The following SAMM50 variants were observed in gnomAD, a reference collection of about 807,000 sequenced individuals.
SAMM50 encodes the protein sorting and assembly machinery component 50 homolog.
Under a neutral mutation model 66.9 loss-of-function variants are expected in SAMM50, and 47 were observed. That is an observed-to-expected ratio of 0.70 (90% CI 0.56 to 0.90). The LOEUF is 0.90. Ranked by LOEUF, SAMM50 falls within the 40% of genes least tolerant of loss-of-function variation. The pLI, the probability that SAMM50 is intolerant of heterozygous loss-of-function variation, is 0.00. For missense variants in SAMM50, 535 were observed against 595.3 expected, an observed-to-expected ratio of 0.90 and a Z score of 1.05; for synonymous variants, 191 against 214.1, an observed-to-expected ratio of 0.89 and a Z score of 0.94.
chr22:43,989,346 T>A, intron 13 of SAMM50, 89 bp downstream of exon 13: 1 of 1,413,860 alleles, frequency 7.1e-7, no homozygotes. Context: ...TGTCTTTTTT[T>A]TTTTTTTTTG....
intron 8 of SAMM50, 88 bp from the exon 9 acceptor site, chr22:43,976,662 G>C: frequency 1.1e-6 from 1 of 894,748 alleles, no homozygotes; most frequent in East Asian, 2.5e-5. Flanking sequence ...TAGAGTGCTA[G>C]CGTGGTGTGG....
chr22:43,995,652 C>T (rs1310030151), intron 14 of SAMM50, among the ~76,000 whole-genome samples: 1 of 152,152 alleles, frequency 6.6e-6, no homozygotes, highest in Non-Finnish European at 1.5e-5. Context: ...CTGTGGGTGC[C>T]CCTGAGCCGG....
chr22:43,972,209 C>T, intron 4 of SAMM50, 27 bp from the exon 5 acceptor site: 1 of 1,419,184 alleles, frequency 7.0e-7, no homozygotes, highest in Non-Finnish European at 9.6e-7. Flanking sequence ...TCCTGGCTGT[C>T]TTATTGTTTA....
At chr22:43,977,789 A>G (rs905730067) in intron 9 of SAMM50, 83 bp from the exon 10 acceptor site, 25 of 948,032 alleles carry the variant, frequency 2.6e-5, no homozygotes, top group Non-Finnish European at 3.6e-5. Flanking sequence ...CGGCAAAATT[A>G]AATCCTGATG....
chr22:43,982,766 G>T (rs1603419858), intron 11 of SAMM50, among the ~76,000 whole-genome samples: 1 of 152,172 alleles, frequency 6.6e-6, no homozygotes, highest in South Asian at 2.1e-4. Context: ...CTCCCAAGTA[G>T]CTGGGACTAC....
intron 3 of SAMM50, among the ~76,000 whole-genome samples, 156 bp from the exon 4 acceptor site, chr22:43,968,575 T>A (rs914813733): frequency 6.6e-6 from 1 of 152,282 alleles, no homozygotes. Context: ...GTGGTGCTTT[T>A]CCCTTCTGTC....
At chr22:43,957,420 A>G in intron 1 of SAMM50, 1 of 336,422 alleles carries the variant, frequency 3.0e-6, no homozygotes, top group South Asian at 3.3e-5. Flanking sequence ...ATTAATGGTT[A>G]ATTGTAACTA....
intron 12 of SAMM50, among the ~76,000 whole-genome samples, chr22:43,985,223 G>C (rs1314421029): frequency 2.0e-5 from 3 of 151,884 alleles, no homozygotes; most frequent in African/African-American, 7.3e-5. Flanking sequence ...TTAACTCAAG[G>C]CCATAGTTTA....
At chr22:43,973,428 T>C in intron 7 of SAMM50, 105 bp downstream of exon 7, 1 of 698,792 alleles carries the variant, frequency 1.4e-6, no homozygotes, top group Admixed American at 2.1e-5. Context: ...GCACAGGCCC[T>C]CTGCCCTCCG....
chr22:43,987,223 T>C (rs1453425209), intron 12 of SAMM50: 2 of 152,168 alleles, frequency 1.3e-5, no homozygotes, highest in South Asian at 2.1e-4. Flanking sequence ...AAAATGTGTA[T>C]GTTCAAGAAT....
chr22:43,960,143 A>G (rs1186178590), intron 1 of SAMM50, among the ~76,000 whole-genome samples: 1 of 152,212 alleles, frequency 6.6e-6, no homozygotes, highest in Non-Finnish European at 1.5e-5. Context: ...TCAGATTAAG[A>G]TGAGTATGTG....
At chr22:43,988,442 G>A (rs1196861376) in intron 12 of SAMM50, 1 of 152,184 alleles carries the variant, frequency 6.6e-6, no homozygotes, top group East Asian at 1.9e-4. Flanking sequence ...CCTTTGGGTT[G>A]TATGTTTTCT....
In SAMM50 at chr22:43,973,245, A is replaced by G. The variant is rs1338512942; in HGVS notation, c.570A>G (p.Val190=). 1.3e-6 allele frequency: 2 copies of G among 1,595,804 alleles called. No individual in the cohort carries two copies. Among genetic ancestry groups the G allele is most frequent in the Admixed American group, 1.7e-5 (1 of 60,008 alleles). The change falls in exon 7 of 15, where the codon GTA becomes GTG. Residue 190 remains valine, a synonymous_variant. Transcript: ENST00000350028. ...RPGNFERNFS[V]NLYKVTGQFP... ...TCCCATTGTCTCCTAGTTTCTCTGT[A>G]AACTTATATAAAGTTACTGGACAGT...
chr22:43,971,093 G>A (rs551511139), intron 4 of SAMM50, among the ~76,000 whole-genome samples: 91 of 152,092 alleles, frequency 6.0e-4, no homozygotes, highest in Non-Finnish European at 9.9e-4. Flanking sequence ...GCTTGAACCC[G>A]GGAGGTGGAG....
chr22:43,960,131 A>G (rs566003211), intron 1 of SAMM50, among the ~76,000 whole-genome samples: 205 of 152,342 alleles, frequency 1.3e-3, no homozygotes, highest in African/African-American at 3.6e-3. Context: ...TTTGCTAGGC[A>G]TTCAGATTAA....
Position 43,989,057 on chromosome 22 carries a change from G to A in SAMM50, c.1076-54G>A, listed in dbSNP as rs184482399. On this transcript the variant is annotated intron_variant, in intron 12 of 14. Transcript: ENST00000350028. ...CTTCTGTAAGTTGTGGAAAGTTAACGTGATGTTAACCTTGTCGGACCTTGT... is the reference window on the plus strand; with the variant it reads ...CTTCTGTAAGTTGTGGAAAGTTAACATGATGTTAACCTTGTCGGACCTTGT... 1.4e-5 allele frequency: 22 copies of A among 1,560,896 alleles called. 1 individual carries two copies. The highest frequency in any genetic ancestry group is 3.4e-4 in the Middle Eastern group (2 of 5,860).
intron 14 of SAMM50, among the ~76,000 whole-genome samples, chr22:43,991,138 G>A (rs566198148): frequency 1.4e-3 from 205 of 151,816 alleles, no homozygotes; most frequent in African/African-American, 4.7e-3. Context: ...CACCACACCC[G>A]GCTAATTTTT....
chr22:43,955,475 C>A lies in SAMM50; in HGVS notation c.-103C>A, dbSNP rs557381360. On this transcript the variant is annotated 5_prime_UTR_variant, in exon 1 of 15. Coordinates refer to ENST00000350028, the MANE Select transcript of SAMM50 (RefSeq NM_015380.5). ...GCGTCCGGGGGTTTGTGGGAGTTGC[C>A]TTGACCTGCAGCTCCGCCACCGCGG... is the stretch of plus-strand genomic sequence containing the variant. 1,688 of 1,387,876 alleles carry A rather than the reference C, an allele frequency of 1.2e-3. 3 individuals are homozygous for A. The highest frequency in any genetic ancestry group is 1.5e-3 in the Non-Finnish European group (1,542 of 1,003,644). The allele number at this position is 1,387,876 out of a possible 1,614,324, so 86.0% of individuals were successfully genotyped here. A position where few individuals can be genotyped will look rare whatever the true frequency, so the allele number is the denominator to read the frequency against.
At chr22:43,968,255 G>GA (rs1213766542) in intron 3 of SAMM50, among the ~76,000 whole-genome samples, 3 of 116,674 alleles carry the variant, frequency 2.6e-5, no homozygotes, top group South Asian at 2.7e-4. Flanking sequence ...AAAGAAAAAA[G>GA]AAAAAAAGAA....
Sources: gnomAD v4.1 joint callset for allele counts (sites outside exome capture counted in the v4.1 genomes callset) on GRCh38, gnomAD v4.1.1 for gene constraint, MANE v1.5 for transcripts, NCBI Gene and HGNC (gene_info 2026-07-23, HGNC 2026-07-21) for gene names.